Variants in ERICH1 observed in about 807,000 individuals in gnomAD.
ERICH1 encodes glutamate-rich protein 1.
In ERICH1, 56 loss-of-function variants were observed where a neutral mutation model predicts 39.6. That is an observed-to-expected ratio of 1.41 (90% confidence interval 1.14 to 1.77). ERICH1 has a LOEUF of 1.77. Among genes scored for constraint, ERICH1 ranks in the 40% most tolerant of loss-of-function variants. ERICH1 has a pLI of 0.00. For synonymous variants in ERICH1, 313 were observed against 223.6 expected (o/e 1.40, Z -3.57); for missense variants, 826 against 575.4 (o/e 1.44, Z -4.45).
chr8:665,265 G>C (rs375935912), intron 5 of ERICH1, among the ~76,000 whole-genome samples: 1 of 152,032 alleles, frequency 6.6e-6, no homozygotes, highest in African/African-American at 2.4e-5. Flanking sequence ...ACTGGTCCCC[G>C]GCTCCGACCT....
intron 3 of ERICH1, among the ~76,000 whole-genome samples, chr8:651,085 G>C (rs189053078): frequency 5.0e-4 from 76 of 152,348 alleles, no homozygotes; most frequent in African/African-American, 1.7e-3. Context: ...ACAGTCCCTG[G>C]CTTATCACAC....
chr8:662,908 G>T (rs1801645289), downstream of ERICH1, among the ~76,000 whole-genome samples: 1 of 152,154 alleles, frequency 6.6e-6, no homozygotes, highest in South Asian at 2.1e-4. Context: ...GACAACCACA[G>T]CTCCCCTGAT....
At chr8:722,005 C>T (rs1397114913) in intron 1 of ERICH1, among the ~76,000 whole-genome samples, 1 of 152,074 alleles carries the variant, frequency 6.6e-6, no homozygotes, top group Non-Finnish European at 1.5e-5. Flanking sequence ...AGCAGGAGCT[C>T]CCGGAGCCCC....
At chr8:680,868 T>C (rs750202117) in intron 3 of ERICH1, among the ~76,000 whole-genome samples, 2 of 152,196 alleles carry the variant, frequency 1.3e-5, no homozygotes, top group Admixed American at 6.5e-5. Context: ...CTGTGAGTCC[T>C]GGGGTCTGTG....
chr8:688,276 T>TCCCCCGCCCCGCCCCTC (rs1808000701), intron 3 of ERICH1, among the ~76,000 whole-genome samples: 2 of 46,756 alleles, frequency 4.3e-5, no homozygotes, highest in East Asian at 1.3e-3. Context: ...GTTCCGCCCG[T>TCCCCCGCCCCGCCCCTC]CCCCGCCCCG....
At chr8:724,579 A>C (rs115598877) in intron 1 of ERICH1, among the ~76,000 whole-genome samples, 1,834 of 152,240 alleles carry the variant, frequency 0.012, 42 homozygotes, top group African/African-American at 0.043. Flanking sequence ...TTTCTCACCA[A>C]AACAAGGCTG....
chr8:724,706 C>G (rs915118310), intron 1 of ERICH1, among the ~76,000 whole-genome samples: 9 of 152,234 alleles, frequency 5.9e-5, no homozygotes, highest in African/African-American at 2.2e-4. Flanking sequence ...TTTCCACTTT[C>G]ATTAAACATT....
At chr8:617,573 C>G (rs1043263723) in intron 3 of ERICH1, among the ~76,000 whole-genome samples, 11 of 151,644 alleles carry the variant, frequency 7.3e-5, no homozygotes, top group African/African-American at 2.4e-4. Flanking sequence ...AGTCTTTTCT[C>G]ACTGCCCTCT....
chr8:693,158 C>T (rs1489432212), intron 2 of ERICH1, among the ~76,000 whole-genome samples: 2 of 151,870 alleles, frequency 1.3e-5, no homozygotes, highest in East Asian at 3.9e-4. Flanking sequence ...CACAGAGACA[C>T]CATGCACAGC....
intron 2 of ERICH1, among the ~76,000 whole-genome samples, chr8:692,975 C>A (rs552227819): frequency 6.6e-6 from 1 of 152,168 alleles, no homozygotes; most frequent in East Asian, 1.9e-4. Flanking sequence ...TATCATCACA[C>A]GAGGAGTCCC....
intron 3 of ERICH1, among the ~76,000 whole-genome samples, chr8:634,948 C>T (rs1335734954): frequency 6.6e-6 from 1 of 152,172 alleles, no homozygotes. Flanking sequence ...CCTCTTGGTG[C>T]CTCTGGGGAA....
intron 3 of ERICH1, among the ~76,000 whole-genome samples, chr8:635,249 G>T (rs1043985168): frequency 6.6e-6 from 1 of 152,202 alleles, no homozygotes; most frequent in Non-Finnish European, 1.5e-5. Flanking sequence ...CCGAGCTTAT[G>T]AGTTTCCCTT....
At chr8:618,018 G>T (rs936930324) in intron 3 of ERICH1, among the ~76,000 whole-genome samples, 6 of 144,450 alleles carry the variant, frequency 4.2e-5, no homozygotes. Context: ...CTTGGTGCTT[G>T]GTCCATCCTC....
rs760865498 is a variant in ERICH1, at chr8:673,797, A to C, written c.555T>G (p.Gly185=). Residue 185 remains glycine, a synonymous_variant, in exon 4 of 6, where the codon GGT becomes GGG. Transcript: ENST00000262109. ...KAAGLAAKAA[G]VSFMYQPEDS... ...CCTCGGGCTGGTACATGAAACTGAC[A>C]CCAGCAGCCTTTGCTGCCAAGCCGG... The C allele has an allele frequency of 1.2e-6, 2 of 1,614,148 alleles. No homozygotes were observed. Among genetic ancestry groups the C allele is most frequent in the Non-Finnish European group, 1.7e-6 (2 of 1,180,042 alleles).
chr8:620,312 A>G (rs1797202932), intron 3 of ERICH1, among the ~76,000 whole-genome samples: 3 of 152,380 alleles, frequency 2.0e-5, no homozygotes, highest in Admixed American at 2.0e-4. Flanking sequence ...ACTCTGTCTC[A>G]AAAAATAAAT....
At chr8:676,780 G>A (rs1325497357) in intron 3 of ERICH1, among the ~76,000 whole-genome samples, 1 of 152,226 alleles carries the variant, frequency 6.6e-6, no homozygotes, top group Non-Finnish European at 1.5e-5. Flanking sequence ...TATAAAGCTT[G>A]CCGCTGCACC....
intron 4 of ERICH1, among the ~76,000 whole-genome samples, chr8:670,874 C>A (rs1025741957): frequency 6.8e-6 from 1 of 147,516 alleles, no homozygotes; most frequent in Non-Finnish European, 1.5e-5. Flanking sequence ...CTGAGCCCAC[C>A]GGTCCCCAGG....
chr8:677,004 C>A (rs1025463664), intron 3 of ERICH1, among the ~76,000 whole-genome samples: 2 of 152,212 alleles, frequency 1.3e-5, no homozygotes, highest in African/African-American at 4.8e-5. Context: ...TCCTCTTCCA[C>A]AATGAAGCTC....
intron 1 of ERICH1, 31 bp downstream of exon 1, chr8:731,109 C>A: frequency 1.4e-6 from 2 of 1,468,974 alleles, no homozygotes; most frequent in Admixed American, 2.4e-5. Flanking sequence ...GGTCTGGGGT[C>A]TGGGCAGGCC....
Sources: gnomAD v4.1 joint callset for allele counts (sites outside exome capture counted in the v4.1 genomes callset) on GRCh38, gnomAD v4.1.1 for gene constraint, MANE v1.5 for transcripts, NCBI Gene and HGNC (gene_info 2026-07-23, HGNC 2026-07-21) for gene names.